The following PIEZO2 variants were observed in gnomAD, a reference collection of about 807,000 sequenced individuals.
PIEZO2 encodes the protein piezo type mechanosensitive ion channel component 2, also known as piezo-type mechanosensitive ion channel component 2.
In PIEZO2, 172 loss-of-function variants were observed where a neutral mutation model predicts 337.3. That is an observed-to-expected ratio of 0.51 (90% CI 0.45 to 0.58). The LOEUF is 0.58. PIEZO2 is among the 20% of genes least tolerant of loss of function. PIEZO2 has a pLI of 0.00. For missense variants in PIEZO2, 3,028 were observed against 3,391.3 expected (o/e 0.89, Z 2.66); for synonymous variants, 1,251 against 1,228.5 (o/e 1.02, Z -0.38).
At position 10,850,585 on chromosome 18, in the gene PIEZO2, C is replaced by A. The variant is rs1473965518; in HGVS notation, c.917+4768G>T. On this transcript the variant is annotated intron_variant, in intron 7 of 55. Transcript: ENST00000674853. This position sits in a 1 kb window ranked among gnomAD's most constrained non-coding sequence, Gnocchi z 4.5. ...AGAAATCATCTACGTGGTTAAAACT[C>A]AGGGGTTGACTAAATTCTAATATAG... 1.3e-5 allele frequency among the ~76,000 whole-genome samples: 2 copies of A among 152,212 alleles called. No homozygotes were observed. Among genetic ancestry groups the A allele is most frequent in the Admixed American group, 1.3e-4 (2 of 15,282 alleles).
intron 36 of PIEZO2, chr18:10,728,212 T>G (rs1255981251): frequency 1.3e-5 from 2 of 152,484 alleles, no homozygotes; most frequent in African/African-American, 4.8e-5. Flanking sequence ...AAAACAGGAG[T>G]AAAATCCTGT....
intron 3 of PIEZO2, among the ~76,000 whole-genome samples, chr18:10,930,596 C>T (rs867614376): frequency 2.3e-4 from 35 of 152,298 alleles, no homozygotes; most frequent in Admixed American, 4.6e-4. Context: ...GGTCATGATC[C>T]TTAGCCTTGG....
chr18:10,917,128 A>G (rs2031041502), intron 3 of PIEZO2, among the ~76,000 whole-genome samples: 1 of 17,680 alleles, frequency 5.7e-5, no homozygotes, highest in African/African-American at 3.9e-4. Flanking sequence ...ATACATAGAC[A>G]AAAGGTCGGT....
rs186053510 is a variant in PIEZO2 at position 10,726,532 on chromosome 18, C to A, written c.5029+4875G>T. ...CGTTCCTGTGGCGCGCTGCGCTGCT[C>A]TGCTCTGCTACACCAGCCGCCACGC... On this transcript the variant is annotated intron_variant, in intron 36 of 55. Transcript: ENST00000674853. The surrounding 1 kb of genome is among the most constrained non-coding windows in gnomAD (Gnocchi z 5.9). 1.3e-3 allele frequency: 1,949 copies of A among 1,457,496 alleles called. 46 individuals are homozygous for A. In the Admixed American group the frequency reaches 0.041, roughly 31 times the overall value. The allele number at this position is 1,457,496 out of a possible 1,614,324, so 90.3% of individuals were successfully genotyped here.
intron 21 of PIEZO2, 75 bp downstream of exon 21, chr18:10,770,073 T>G: frequency 1.4e-6 from 2 of 1,444,902 alleles, no homozygotes; most frequent in Admixed American, 4.4e-5. Context: ...AAAAAAATCA[T>G]GGACAGCTGG....
At position 11,009,114 on chromosome 18, in the gene PIEZO2, C is replaced by T. The variant is rs2660279; in HGVS notation, c.161-29454G>A. On this transcript the variant is annotated intron_variant, in intron 2 of 55. Transcript: ENST00000674853. This position sits in a 1 kb window ranked among gnomAD's most constrained non-coding sequence, Gnocchi z 4.6. ...ATCCTTCAGAATCTCTGTGACCTAC[C>T]CTCTTGCTTCATACAATTGGTGATT... is the stretch of plus-strand genomic sequence containing the variant. Among the ~76,000 whole-genome samples, 81,196 of 152,056 alleles carry T rather than the reference C, an allele frequency of 0.53. 21,967 individuals carry two copies. The highest frequency in any genetic ancestry group is 0.6 in the African/African-American group (24,906 of 41,454).
At chr18:11,051,374 T>G (rs1189697125) in intron 2 of PIEZO2, among the ~76,000 whole-genome samples, 1 of 151,556 alleles carries the variant, frequency 6.6e-6, no homozygotes, top group Non-Finnish European at 1.5e-5. Flanking sequence ...TGTGTGGGTG[T>G]GGGTGTGGGT....
intron 7 of PIEZO2, among the ~76,000 whole-genome samples, chr18:10,843,927 C>A (rs1284826749): frequency 6.6e-6 from 1 of 152,186 alleles, no homozygotes; most frequent in Non-Finnish European, 1.5e-5. Flanking sequence ...TGACAAAGTG[C>A]AAAGGCTGGT....
chr18:10,838,683 G>A (rs2144590501), intron 7 of PIEZO2, among the ~76,000 whole-genome samples: 1 of 152,370 alleles, frequency 6.6e-6, no homozygotes, highest in Non-Finnish European at 1.5e-5. Flanking sequence ...GATGTCATCT[G>A]TAGGGTTCAT....
In PIEZO2 at chr18:11,048,914, G is replaced by C. The variant is rs1338625097; in HGVS notation, c.160+17213C>G. ...TTCATCTCAAAAGGCTATTTCCTGTGAATCAACTCAAATTCAAATGGGTCT... is the reference window on the plus strand; with the variant it reads ...TTCATCTCAAAAGGCTATTTCCTGTCAATCAACTCAAATTCAAATGGGTCT... On this transcript the variant is annotated intron_variant, in intron 2 of 55. Transcript: ENST00000674853. The surrounding 1 kb of genome is among the most constrained non-coding windows in gnomAD (Gnocchi z 4.5). Among the ~76,000 whole-genome samples, 1 of 152,144 alleles carries C rather than the reference G, an allele frequency of 6.6e-6. No individual in the cohort carries two copies. Among genetic ancestry groups the C allele is most frequent in the Non-Finnish European group, 1.5e-5 (1 of 68,030 alleles).
At chr18:10,948,245 TA>T (rs1327084817) in intron 3 of PIEZO2, among the ~76,000 whole-genome samples, 2 of 152,160 alleles carry the variant, frequency 1.3e-5, no homozygotes, top group Non-Finnish European at 2.9e-5. Context: ...AATATTACAT[TA>T]AAATTATTGT....
In PIEZO2 at chr18:10,856,905, G is replaced by C. The variant is rs1404159155; in HGVS notation, c.703+96C>G. 1 of 1,130,188 alleles carries C rather than the reference G, an allele frequency of 8.8e-7. No individual in the cohort carries two copies. The highest frequency in any genetic ancestry group is 1.5e-5 in the African/African-American group (1 of 64,830). The allele number at this position is 1,130,188 out of a possible 1,614,324, so 70.0% of individuals were successfully genotyped here. A position where few individuals can be genotyped will look rare whatever the true frequency, so the allele number is the denominator to read the frequency against. ...GTTATGATATTCATGTGGTGGAACA[G>C]ACTGTTTCCTTCATTTCTTCTTCAA... On this transcript the variant is annotated intron_variant, in intron 6 of 55. Transcript: ENST00000674853. This position sits in a 1 kb window ranked among gnomAD's most constrained non-coding sequence, Gnocchi z 4.7.
rs1011269924 is a variant in PIEZO2, at chr18:10,952,020, A to G, written c.286+27515T>C. On this transcript the variant is annotated intron_variant, in intron 3 of 55. Transcript: ENST00000674853. This position sits in a 1 kb window ranked among gnomAD's most constrained non-coding sequence, Gnocchi z 4.1. Reference sequence around the variant, plus strand: ...TATATTGTGAAACTGTCTCTGAAACATTATCTGATTTGGCCTCCACAATAG... The same window carrying G: ...TATATTGTGAAACTGTCTCTGAAACGTTATCTGATTTGGCCTCCACAATAG... Among the ~76,000 whole-genome samples the G allele has an allele frequency of 1.3e-5, 2 of 152,164 alleles. No individual in the cohort carries two copies. The highest frequency in any genetic ancestry group is 2.4e-5 in the African/African-American group (1 of 41,442).
intron 2 of PIEZO2, among the ~76,000 whole-genome samples, chr18:11,023,978 A>G (rs2036426896): frequency 1.3e-5 from 2 of 152,264 alleles, no homozygotes; most frequent in South Asian, 2.1e-4. Flanking sequence ...CCGTAACTCC[A>G]GCTGGCCCGC....
At chr18:10,865,862 C>G (rs1269891884) in intron 5 of PIEZO2, among the ~76,000 whole-genome samples, 2 of 152,222 alleles carry the variant, frequency 1.3e-5, no homozygotes, top group South Asian at 2.1e-4. Flanking sequence ...CTCTACCCCC[C>G]AAGAAAGGAA....
chr18:10,913,636 T>C (rs2030674720), intron 3 of PIEZO2, among the ~76,000 whole-genome samples: 1 of 152,178 alleles, frequency 6.6e-6, no homozygotes, highest in Admixed American at 6.5e-5. Context: ...TTAGGCTTTT[T>C]TAACAGGGAG....
intron 3 of PIEZO2, among the ~76,000 whole-genome samples, chr18:10,944,623 C>G (rs1361854664): frequency 1.4e-5 from 2 of 146,862 alleles, no homozygotes; most frequent in Admixed American, 1.4e-4. Context: ...TTAAAATCAG[C>G]CTGACAGGAA....
intron 48 of PIEZO2, among the ~76,000 whole-genome samples, chr18:10,690,451 T>C (rs1244160905): frequency 1.3e-5 from 2 of 152,176 alleles, no homozygotes; most frequent in African/African-American, 2.4e-5. Flanking sequence ...GCAGTGTGGA[T>C]TGCCACTCAG....
intron 4 of PIEZO2, among the ~76,000 whole-genome samples, chr18:10,886,501 C>CTAATGTGTGTATATATATATATATATAT (rs1568165954): frequency 8.5e-5 from 1 of 11,826 alleles, no homozygotes; most frequent in Non-Finnish European, 1.6e-4. Flanking sequence ...TATATATACG[C>CTAATGTGTGTATATATATATATATATAT]ATATACACAT....
Sources: allele counts gnomAD v4.1 joint callset (sites outside exome capture counted in the v4.1 genomes callset), GRCh38; gene constraint gnomAD v4.1.1; non-coding constraint Gnocchi (gnomAD v3.1); transcripts MANE v1.5; gene names NCBI Gene and HGNC (gene_info 2026-07-23, HGNC 2026-07-21).